DPYD: variants seen among roughly 807,000 people sequenced by gnomAD.
DPYD encodes dihydropyrimidine dehydrogenase, also known as dihydropyrimidine dehydrogenase [NADP(+)].
DPYD carries 109 observed loss-of-function variants against 116.2 expected under a neutral mutation model. The ratio of observed to expected loss-of-function variants is 0.94; its 90% CI spans 0.80 to 1.10. DPYD has a LOEUF of 1.10. DPYD is among the 50% of genes least tolerant of loss of function. The probability of loss-of-function intolerance (pLI) is 0.00; values close to 1 mark genes in which losing one functional copy is unlikely to be tolerated. For missense variants in DPYD, 1,302 were observed against 1,254.5 expected (o/e 1.04, Z -0.57); for synonymous variants, 440 against 432.0 (o/e 1.02, Z -0.23).
At chr1:97,754,537 T>A (rs1012561496) in intron 3 of DPYD, among the ~76,000 whole-genome samples, 3 of 152,232 alleles carry the variant, frequency 2.0e-5, no homozygotes, top group African/African-American at 7.2e-5. Flanking sequence ...GTAATAGTAC[T>A]TAAATGTGTT....
At chr1:97,187,024 T>C (rs528560498) in intron 20 of DPYD, among the ~76,000 whole-genome samples, 7 of 152,222 alleles carry the variant, frequency 4.6e-5, no homozygotes, top group Non-Finnish European at 7.3e-5. Context: ...CTATCGTGAA[T>C]AGTGCTGCCA....
intron 14 of DPYD, among the ~76,000 whole-genome samples, chr1:97,383,481 AAAAAAAAG>A (rs1046035700): frequency 1.1e-3 from 170 of 148,920 alleles, no homozygotes; most frequent in Admixed American, 1.4e-3. Context: ...GTCTCAAAAA[AAAAAAAAG>A]AAAAAAAGAA....
At chr1:97,620,979 CA>C (rs1321958840) in intron 8 of DPYD, among the ~76,000 whole-genome samples, 2 of 152,220 alleles carry the variant, frequency 1.3e-5, no homozygotes, top group East Asian at 3.9e-4. Context: ...ATCTAACAAT[CA>C]GCATATTTGT....
chr1:97,760,351 G>A (rs755471908), intron 3 of DPYD, among the ~76,000 whole-genome samples: 10 of 151,884 alleles, frequency 6.6e-5, no homozygotes, highest in East Asian at 1.9e-4. Flanking sequence ...TGATCCTCCC[G>A]TATCAGTGGG....
At chr1:97,535,643 T>C (rs1649939275) in intron 12 of DPYD, among the ~76,000 whole-genome samples, 1 of 152,218 alleles carries the variant, frequency 6.6e-6, no homozygotes, top group Admixed American at 6.5e-5. Flanking sequence ...AACACTGCCA[T>C]TTAATAAAAG....
At position 97,532,705 on chromosome 1, in the gene DPYD, G is replaced by A. The variant is rs1457716724; in HGVS notation, c.1525-16764C>T. ...CTTGCTTTTTATTTCTCTGGCATTA[G>A]TTGTAATGTCTCCTGTTTCATTTCC... On this transcript the variant is annotated intron_variant, in intron 12 of 22. Transcript: ENST00000370192. Among the ~76,000 whole-genome samples, 3 of 151,772 alleles carry A rather than the reference G, an allele frequency of 2.0e-5. No homozygotes were observed. In the East Asian group the frequency reaches 5.8e-4, roughly 29 times the overall value.
At chr1:97,903,290 GT>G (rs1673452589) in intron 1 of DPYD, among the ~76,000 whole-genome samples, 1 of 151,808 alleles carries the variant, frequency 6.6e-6, no homozygotes, top group Non-Finnish European at 1.5e-5. Context: ...TTTAAAATTT[GT>G]TTTACTGAAT....
intron 13 of DPYD, among the ~76,000 whole-genome samples, chr1:97,487,950 T>C (rs1678742716): frequency 1.3e-5 from 2 of 152,198 alleles, no homozygotes; most frequent in African/African-American, 2.4e-5. Context: ...TGACAACTTA[T>C]GTCCAAACAA....
chr1:97,535,895 A>G (rs1452522265), intron 12 of DPYD, among the ~76,000 whole-genome samples: 1 of 152,214 alleles, frequency 6.6e-6, no homozygotes, highest in African/African-American at 2.4e-5. Context: ...AGTGTCAAGT[A>G]TCTGATGCAT....
chr1:97,556,976 T>C (rs1651773340), intron 11 of DPYD, among the ~76,000 whole-genome samples: 1 of 150,760 alleles, frequency 6.6e-6, no homozygotes, highest in Non-Finnish European at 1.5e-5. Flanking sequence ...CCACCAACAG[T>C]GTAAAAGTGT....
Position 97,410,970 on chromosome 1 carries a change from A to T in DPYD, c.1906-28509T>A, listed in dbSNP as rs549468148. 2.0e-5 allele frequency among the ~76,000 whole-genome samples: 3 copies of T among 152,250 alleles called. No homozygotes were observed. The East Asian group carries it at 5.8e-4, about 30-fold the overall frequency. ...TAGAGGGCCACTATTGCAAACAGAT[A>T]CTACGTCAAAGATAGAATAGTGAGC... On this transcript the variant is annotated intron_variant, in intron 14 of 22. Transcript: ENST00000370192.
chr1:97,685,431 A>AT (rs1660665414), intron 7 of DPYD, among the ~76,000 whole-genome samples: 1 of 152,342 alleles, frequency 6.6e-6, no homozygotes, highest in East Asian at 1.9e-4. Context: ...GAAAACTGGC[A>AT]TAAGACAAGG....
chr1:97,854,313 T>A (rs1217225494), intron 2 of DPYD, among the ~76,000 whole-genome samples: 2 of 152,222 alleles, frequency 1.3e-5, no homozygotes, highest in Non-Finnish European at 2.9e-5. Flanking sequence ...ATAAGCAGCA[T>A]CTTTAATATC....
In DPYD at chr1:97,277,302, C is replaced by T. The variant is rs573914695; in HGVS notation, c.2299+27957G>A. 2.0e-5 allele frequency among the ~76,000 whole-genome samples: 3 copies of T among 151,894 alleles called. No homozygotes were observed. The East Asian group carries it at 5.8e-4, about 29-fold the overall frequency. On this transcript the variant is annotated intron_variant, in intron 18 of 22. Coordinates refer to ENST00000370192, the MANE Select transcript of DPYD (RefSeq NM_000110.4). ...GACAGGATCATTCATATCCCAAACCCCAGCATCACACAAATTACCCATGTA... is the reference window on the plus strand; with the variant it reads ...GACAGGATCATTCATATCCCAAACCTCAGCATCACACAAATTACCCATGTA...
chr1:97,510,554 T>G (rs992086025), intron 13 of DPYD, among the ~76,000 whole-genome samples: 4 of 151,932 alleles, frequency 2.6e-5, no homozygotes, highest in Admixed American at 2.0e-4. Flanking sequence ...ATTTTGGGTG[T>G]CTTGGAAAGG....
intron 3 of DPYD, among the ~76,000 whole-genome samples, chr1:97,761,934 T>TTATA (rs1410348125): frequency 6.6e-6 from 1 of 152,122 alleles, no homozygotes; most frequent in African/African-American, 2.4e-5. Flanking sequence ...ATGCTATCAC[T>TTATA]TATAAGTGTG....
chr1:97,484,274 A>T (rs1358567948), intron 13 of DPYD, among the ~76,000 whole-genome samples: 1 of 152,246 alleles, frequency 6.6e-6, no homozygotes, highest in Non-Finnish European at 1.5e-5. Context: ...ACTGCATTCC[A>T]GTCTGGGTGA....
intron 13 of DPYD, among the ~76,000 whole-genome samples, chr1:97,510,709 A>G (rs980747795): frequency 2.0e-5 from 3 of 151,994 alleles, no homozygotes; most frequent in Non-Finnish European, 2.9e-5. Flanking sequence ...CTTTTTATCA[A>G]TAAGTGGATG....
At chr1:97,378,519 A>C (rs937135987) in intron 15 of DPYD, among the ~76,000 whole-genome samples, 3 of 152,048 alleles carry the variant, frequency 2.0e-5, no homozygotes, top group Admixed American at 6.6e-5. Context: ...GTCTCTTCCT[A>C]CCAAAGGTGG....
Sources: gnomAD v4.1 joint callset for allele counts (sites outside exome capture counted in the v4.1 genomes callset) on GRCh38, gnomAD v4.1.1 for gene constraint, MANE v1.5 for transcripts, NCBI Gene and HGNC (gene_info 2026-07-23, HGNC 2026-07-21) for gene names.